AGBL1: variants seen among roughly 807,000 people sequenced by gnomAD.
AGBL1 encodes cytosolic carboxypeptidase 4.
A neutral mutation model predicts 118.9 loss-of-function variants in AGBL1; 130 were observed. The ratio of observed to expected loss-of-function variants is 1.09; its 90% CI spans 0.95 to 1.26. AGBL1 has a LOEUF of 1.26. Among genes scored for constraint, AGBL1 ranks in the 50% most tolerant of loss-of-function variants. AGBL1 has a pLI of 0.00. For synonymous variants in AGBL1, 555 were observed against 478.9 expected (o/e 1.16, Z -2.08); for missense variants, 1,584 against 1,298.1 (o/e 1.22, Z -3.38).
chr15:86,254,027 G>A (rs1252477912), intron 7 of AGBL1, among the ~76,000 whole-genome samples: 1 of 152,160 alleles, frequency 6.6e-6, no homozygotes, highest in African/African-American at 2.4e-5. Flanking sequence ...AGATGTTCGT[G>A]GCTTTGGCTA....
intron 17 of AGBL1, 158 bp downstream of exon 17, chr15:86,295,566 A>G: frequency 3.3e-6 from 2 of 612,750 alleles, no homozygotes; most frequent in Non-Finnish European, 5.2e-6. Context: ...GTGTGACACA[A>G]AGGTTAAACA....
At chr15:87,008,409 C>G (rs908793723) in intron 24 of AGBL1, among the ~76,000 whole-genome samples, 3 of 152,190 alleles carry the variant, frequency 2.0e-5, no homozygotes, top group Non-Finnish European at 2.9e-5. Flanking sequence ...CTTGCTCCTC[C>G]TTGCCTTCCG....
intron 23 of AGBL1, among the ~76,000 whole-genome samples, chr15:86,964,008 A>ACTCTCTCTCTCTCTCTCT (rs71460234): frequency 2.2e-4 from 31 of 139,556 alleles, no homozygotes; most frequent in East Asian, 4.3e-4. Flanking sequence ...GAGCCAGGAA[A>ACTCTCTCTCTCTCTCTCT]CTCTCTCTCT....
At chr15:86,193,191 G>A (rs2077749995) in intron 5 of AGBL1, among the ~76,000 whole-genome samples, 1 of 152,144 alleles carries the variant, frequency 6.6e-6, no homozygotes, top group East Asian at 1.9e-4. Context: ...GTTTGGAGAT[G>A]TCACTGAGAG....
chr15:86,203,267 G>C (rs2077936651), intron 5 of AGBL1, among the ~76,000 whole-genome samples: 1 of 152,122 alleles, frequency 6.6e-6, no homozygotes, highest in African/African-American at 2.4e-5. Flanking sequence ...ACATTTTCAA[G>C]AGCCTGAGAG....
chr15:86,950,865 C>T (rs971820317), intron 23 of AGBL1, among the ~76,000 whole-genome samples: 2 of 151,784 alleles, frequency 1.3e-5, no homozygotes, highest in African/African-American at 4.8e-5. Context: ...GTAAAAATAA[C>T]AATGCAAAAA....
chr15:86,149,484 T>G (rs1380745129), intron 3 of AGBL1, among the ~76,000 whole-genome samples: 1 of 151,968 alleles, frequency 6.6e-6, no homozygotes, highest in East Asian at 1.9e-4. Context: ...AGTCCTAGTC[T>G]CCAATAAAAC....
intron 23 of AGBL1, among the ~76,000 whole-genome samples, chr15:86,965,675 A>G (rs1463528420): frequency 6.6e-6 from 1 of 152,142 alleles, no homozygotes; most frequent in Non-Finnish European, 1.5e-5. Flanking sequence ...ATGCAGCCAT[A>G]AAAAAGGATG....
At chr15:86,894,099 C>T (rs2080089500) in intron 22 of AGBL1, among the ~76,000 whole-genome samples, 1 of 152,164 alleles carries the variant, frequency 6.6e-6, no homozygotes, top group South Asian at 2.1e-4. Flanking sequence ...TGTGTGTTTA[C>T]AGGACATCAA....
rs150627366 is a variant in AGBL1 at position 86,151,018 on chromosome 15, T to C, written c.263-3412T>C. 5.6e-3 allele frequency among the ~76,000 whole-genome samples: 851 copies of C among 151,954 alleles called. 9 individuals are homozygous for C. The highest frequency in any genetic ancestry group is 0.02 in the African/African-American group (815 of 41,446). On this transcript the variant is annotated intron_variant, in intron 3 of 22. Transcript: ENST00000614907. ...GTCCTTTGTAGGGACATGGATGAAA[T>C]TGGAAATCATCATTCTCAGTAAACT...
At chr15:86,993,772 T>A (rs1333783201) in intron 24 of AGBL1, among the ~76,000 whole-genome samples, 1 of 152,174 alleles carries the variant, frequency 6.6e-6, no homozygotes, top group Non-Finnish European at 1.5e-5. Context: ...TCAATGAATC[T>A]CCACTTCAAA....
At chr15:86,681,036 C>G (rs1286590760) in intron 22 of AGBL1, among the ~76,000 whole-genome samples, 2 of 152,026 alleles carry the variant, frequency 1.3e-5, no homozygotes, top group Non-Finnish European at 2.9e-5. Flanking sequence ...ACATTCTATT[C>G]TCTTGAAACA....
chr15:86,151,392 G>A (rs1365992683), intron 3 of AGBL1, among the ~76,000 whole-genome samples: 1 of 150,194 alleles, frequency 6.7e-6, no homozygotes, highest in African/African-American at 2.4e-5. Context: ...ATCAATAAAT[G>A]TAATCCATCA....
At chr15:86,117,275 G>A (rs1415199464) in intron 1 of AGBL1, among the ~76,000 whole-genome samples, 15 of 152,014 alleles carry the variant, frequency 9.9e-5, no homozygotes, top group Non-Finnish European at 2.2e-4. Flanking sequence ...CTGTTACTAA[G>A]GAAAATGGGG....
chr15:86,752,234 C>T (rs917167219), intron 22 of AGBL1, among the ~76,000 whole-genome samples: 4 of 152,064 alleles, frequency 2.6e-5, no homozygotes, highest in African/African-American at 9.7e-5. Context: ...ACTCCATCAG[C>T]TCACAGCTCT....
intron 24 of AGBL1, among the ~76,000 whole-genome samples, chr15:87,028,606 G>C (rs2081757356): frequency 6.6e-6 from 1 of 151,892 alleles, no homozygotes; most frequent in South Asian, 2.1e-4. Context: ...GAATAAAGCA[G>C]TAAATAAGAA....
chr15:86,773,106 A>C (rs1033512935), intron 22 of AGBL1, among the ~76,000 whole-genome samples: 6 of 152,028 alleles, frequency 3.9e-5, no homozygotes, highest in Admixed American at 3.9e-4. Flanking sequence ...CTTTTTGTCC[A>C]TGGTTCAGTT....
intron 24 of AGBL1, among the ~76,000 whole-genome samples, chr15:86,997,812 C>A (rs1289086663): frequency 6.6e-6 from 1 of 150,946 alleles, no homozygotes; most frequent in Non-Finnish European, 1.5e-5. Context: ...CTGAACTGTG[C>A]ATTCTTTCAT....
chr15:86,497,773 A>G (rs1312034967), intron 18 of AGBL1, among the ~76,000 whole-genome samples: 1 of 151,930 alleles, frequency 6.6e-6, no homozygotes, highest in African/African-American at 2.4e-5. Context: ...ATTCAGAGCT[A>G]CCTGGTGCAC....
Sources: gnomAD v4.1 joint callset for allele counts (sites outside exome capture counted in the v4.1 genomes callset) on GRCh38, gnomAD v4.1.1 for gene constraint, MANE v1.5 for transcripts, NCBI Gene and HGNC (gene_info 2026-07-23, HGNC 2026-07-21) for gene names.